Variants in ERICH6 observed in about 807,000 individuals in gnomAD.
ERICH6 encodes glutamate-rich protein 6.
ERICH6 carries 71 observed loss-of-function variants against 71.0 expected under a neutral mutation model. The observed-to-expected ratio is 1.00, with a 90% CI of 0.83 to 1.22. The LOEUF (loss-of-function observed/expected upper bound fraction) is 1.22. ERICH6 is among the 50% of genes most tolerant of loss of function. The probability of loss-of-function intolerance (pLI) is 0.00; values close to 1 mark genes in which losing one functional copy is unlikely to be tolerated. For synonymous variants in ERICH6, 262 were observed against 278.4 expected, an observed-to-expected ratio of 0.94 and a Z score of 0.59; for missense variants, 808 against 797.2, an observed-to-expected ratio of 1.01 and a Z score of -0.16.
intron 3 of ERICH6, among the ~76,000 whole-genome samples, chr3:150,686,908 C>T (rs1449507088): frequency 1.3e-5 from 2 of 152,228 alleles, no homozygotes; most frequent in Non-Finnish European, 2.9e-5. Context: ...CAGTGGCTCA[C>T]ACCTGTATTC....
chr3:150,675,902 A>T (rs1576551143), intron 10 of ERICH6, among the ~76,000 whole-genome samples: 2 of 113,444 alleles, frequency 1.8e-5, no homozygotes, highest in East Asian at 2.5e-4. Flanking sequence ...TTTCACTATG[A>T]TGTGTCTAGA....
chr3:150,685,741 C>T lies in ERICH6; in HGVS notation c.783+1G>A. ...TAATAAGAAACATGAATTAAAGTCA[C>T]CTTGAAGTTAATGCCTAAATTGGAG... On this transcript the variant is annotated splice_donor_variant, in intron 6 of 13. Coordinates refer to ENST00000295910, the MANE Select transcript of ERICH6 (RefSeq NM_152394.5). LOFTEE classifies it high-confidence loss of function. 3 of 1,606,950 alleles carry T rather than the reference C, an allele frequency of 1.9e-6. No homozygotes were observed. Among genetic ancestry groups the T allele is most frequent in the Non-Finnish European group, 2.6e-6 (3 of 1,175,198 alleles).
chr3:150,700,241 ATT>A (rs34624356), intron 2 of ERICH6, among the ~76,000 whole-genome samples: 32,514 of 110,554 alleles, frequency 0.29, 2,510 homozygotes, highest in East Asian at 0.38. Flanking sequence ...TGCCCGGCTA[ATT>A]TTTTTTTTTT....
At chr3:150,695,777 C>CTATA (rs145221153) in intron 3 of ERICH6, among the ~76,000 whole-genome samples, 42 of 147,872 alleles carry the variant, frequency 2.8e-4, no homozygotes, top group African/African-American at 8.9e-4. Flanking sequence ...ATAGTATATA[C>CTATA]TATATATATA....
intron 13 of ERICH6, among the ~76,000 whole-genome samples, chr3:150,662,756 G>C (rs949698656): frequency 4.6e-5 from 7 of 151,690 alleles, no homozygotes; most frequent in African/African-American, 1.7e-4. Context: ...GAGGCACTCA[G>C]AGTGCTAGGG....
At chr3:150,684,796 T>A (rs4680094) in intron 6 of ERICH6, among the ~76,000 whole-genome samples, 4 of 151,854 alleles carry the variant, frequency 2.6e-5, no homozygotes, top group Admixed American at 6.6e-5. Context: ...TTCTTTCTTT[T>A]TTTTTTAATA....
intron 3 of ERICH6, among the ~76,000 whole-genome samples, chr3:150,687,951 C>T (rs1317295531): frequency 6.6e-6 from 1 of 151,834 alleles, no homozygotes; most frequent in Non-Finnish European, 1.5e-5. Context: ...GACCTGGTCT[C>T]TATGAAAAAC....
At chr3:150,669,535 G>T in intron 11 of ERICH6, 84 bp from the exon 12 acceptor site, 2 of 1,434,238 alleles carry the variant, frequency 1.4e-6, no homozygotes, top group Non-Finnish European at 1.9e-6. Flanking sequence ...AGAGCACTCT[G>T]AAATCATAAA....
In ERICH6 at chr3:150,686,026, A is replaced by T; in HGVS notation, c.611-5T>A. 1 of 1,596,962 alleles carries T rather than the reference A, an allele frequency of 6.3e-7. No homozygotes were observed. Among genetic ancestry groups the T allele is most frequent in the Non-Finnish European group, 8.6e-7 (1 of 1,164,582 alleles). On this transcript the variant is annotated splice_polypyrimidine_tract_variant and splice_region_variant and intron_variant, in intron 4 of 13. Coordinates refer to ENST00000295910, the MANE Select transcript of ERICH6 (RefSeq NM_152394.5). ...CTGGATTAATTACCCATTTTTCTGG[A>T]GAGAAAGAATAGATTCATAAGAAAT...
At chr3:150,678,341 G>A (rs1711740689) in intron 10 of ERICH6, 68 bp downstream of exon 10, 4 of 1,449,754 alleles carry the variant, frequency 2.8e-6, no homozygotes, top group South Asian at 1.5e-5. Context: ...CTTCATGAAA[G>A]ACTTTATAAT....
Position 150,678,413 on chromosome 3 carries a change from C to A in ERICH6, c.1253G>T (p.Gly418Val). 6.4e-7 allele frequency: 1 copy of A among 1,564,578 alleles called. No homozygotes were observed. Among genetic ancestry groups the A allele is most frequent in the Non-Finnish European group, 8.6e-7 (1 of 1,163,756 alleles). Residue 418 changes from glycine to valine, a missense_variant, in exon 10 of 14, where the codon GGA becomes GTA. Physicochemically the swap from Gly to Val is moderately radical, Grantham distance 109. Around this residue, in one of 3 missense-constraint regions of ERICH6, gnomAD observed 736 missense variants for 712.2 expected, o/e 1.03. Coordinates refer to ENST00000295910, the MANE Select transcript of ERICH6 (RefSeq NM_152394.5). ...IICCDSRIAC[G>V]KVVRNELLEK... ...AAAAAATTACAAGTTCATTACCTTT[C>A]CACATGCTATCCGAGAATCACAACA... is the stretch of plus-strand genomic sequence containing the variant.
Position 150,660,034 on chromosome 3 carries a change from G to A in ERICH6, c.1850C>T (p.Pro617Leu), listed in dbSNP as rs1205240633. 2 of 1,614,116 alleles carry A rather than the reference G, an allele frequency of 1.2e-6. No individual in the cohort carries two copies. Among genetic ancestry groups the A allele is most frequent in the Non-Finnish European group, 1.7e-6 (2 of 1,180,032 alleles). Reference sequence around the variant, plus strand: ...TAATTTTTCCCAAACCTGGCTTGAGGGAAAATTCACACATCCTTCAAGTTT... The same window carrying A: ...TAATTTTTCCCAAACCTGGCTTGAGAGAAAATTCACACATCCTTCAAGTTT... Reference protein sequence around the residue: ...FHKLEGCVNFPSSQVWEKLKQ... With the variant: ...FHKLEGCVNFLSSQVWEKLKQ... The change falls in exon 14 of 14, where the codon CCC becomes CTC. Residue 617 changes from proline (P) to leucine (L), a missense_variant. Physicochemically the swap from Pro to Leu is moderately conservative, Grantham distance 98. Coordinates refer to ENST00000295910, the MANE Select transcript of ERICH6 (RefSeq NM_152394.5).
chr3:150,667,146 A>G, intron 12 of ERICH6, 131 bp from the exon 13 acceptor site: 1 of 752,006 alleles, frequency 1.3e-6, no homozygotes, highest in Non-Finnish European at 2.2e-6. Context: ...TGGAAACTTC[A>G]GGTAATCTTA....
intron 13 of ERICH6, among the ~76,000 whole-genome samples, chr3:150,663,069 C>G (rs924163982): frequency 6.6e-6 from 1 of 152,080 alleles, no homozygotes; most frequent in Non-Finnish European, 1.5e-5. Flanking sequence ...GGCTTTTACT[C>G]GAGTAAAATT....
intron 11 of ERICH6, among the ~76,000 whole-genome samples, chr3:150,672,546 C>T (rs1324605136): frequency 6.6e-6 from 1 of 151,844 alleles, no homozygotes; most frequent in Non-Finnish European, 1.5e-5. Context: ...TGCAGTGAGC[C>T]AAGATCCCAC....
rs542493653 is a variant in ERICH6, at chr3:150,670,481, CAA to C, written c.1344-1032_1344-1031del. 6.8e-3 allele frequency among the ~76,000 whole-genome samples: 305 copies of C among 45,140 alleles called. 1 individual carries two copies. The highest frequency in any genetic ancestry group is 8.2e-3 in the Non-Finnish European group (181 of 22,100). 29.6% of individuals were successfully genotyped at this position (45,140 alleles called of 152,430 possible). On this transcript the variant is annotated intron_variant, in intron 11 of 13. Coordinates refer to ENST00000295910, the MANE Select transcript of ERICH6 (RefSeq NM_152394.5). Reference sequence around the variant, plus strand: ...TGGGTGACAGGGCAAGACTCCATCTCAAAAAAAAAAAAAAAAAAAAAGTTCTA... The same window carrying C: ...TGGGTGACAGGGCAAGACTCCATCTCAAAAAAAAAAAAAAAAAAAGTTCTA...
At chr3:150,695,102 A>G (rs981679101) in intron 3 of ERICH6, among the ~76,000 whole-genome samples, 2 of 152,218 alleles carry the variant, frequency 1.3e-5, no homozygotes, top group African/African-American at 4.8e-5. Context: ...ATACTATCAC[A>G]TTAGTGATCA....
chr3:150,686,219 C>A, intron 4 of ERICH6, 79 bp downstream of exon 4: 1 of 1,506,002 alleles, frequency 6.6e-7, no homozygotes, highest in Non-Finnish European at 9.2e-7. Context: ...AGCAGATGGG[C>A]TCTGTGCGAG....
In ERICH6 at chr3:150,680,478, G is replaced by T. The variant is rs1576553831; in HGVS notation, c.1101C>A (p.Phe367Leu). ...FAIISREQTH[F>L]SEDDSKRLKT... ...CACTAATGAACTCACCATCTTCAGA[G>T]AAATGAGTCTGTTCCCTTGATATTA... is the stretch of plus-strand genomic sequence containing the variant. Residue 367 changes from phenylalanine (F) to leucine (L), a missense_variant, in exon 9 of 14, where the codon TTC (phenylalanine) becomes TTA (leucine). Phe to Leu is a conservative substitution (Grantham distance 22, BLOSUM62 0). Coordinates refer to ENST00000295910, the MANE Select transcript of ERICH6 (RefSeq NM_152394.5). The T allele has an allele frequency of 4.3e-6, 7 of 1,614,026 alleles. No homozygotes were observed. The East Asian group carries it at 1.3e-4, about 31-fold the overall frequency.
Sources: gnomAD v4.1 joint callset for allele counts (sites outside exome capture counted in the v4.1 genomes callset) on GRCh38, gnomAD v4.1.1 for gene constraint, gnomAD v4.1.1 regional missense constraint, MANE v1.5 for transcripts, NCBI Gene and HGNC (gene_info 2026-07-23, HGNC 2026-07-21) for gene names.